Variants in PTPRD observed in about 807,000 individuals in gnomAD.
PTPRD encodes receptor-type tyrosine-protein phosphatase delta.
A neutral mutation model predicts 214.5 loss-of-function variants in PTPRD; 34 were observed. That is an observed-to-expected ratio of 0.16 (90% CI 0.12 to 0.21). The LOEUF (loss-of-function observed/expected upper bound fraction) is 0.21, where lower values mean the gene tolerates loss of function less well. Among genes scored for constraint, PTPRD ranks in the 10% least tolerant of loss-of-function variants. The pLI, the probability that PTPRD is intolerant of heterozygous loss-of-function variation, is 1.00. For missense variants in PTPRD, 2,545 were observed against 2,398.7 expected (o/e 1.06, Z -1.27); for synonymous variants, 1,128 against 845.7 (o/e 1.33, Z -5.79).
In PTPRD at chr9:8,341,732, T is replaced by A; in HGVS notation, c.4908A>T (p.Glu1636Asp). Residue 1636 changes from glutamate to aspartate, a missense_variant, in exon 40 of 46, where the codon GAA (glutamate) becomes GAT (aspartate). Transcript: ENST00000381196. ...YAYIQKLTQIETGENVTGMEL... is the reference protein window; with the variant it reads ...YAYIQKLTQIDTGENVTGMEL... ...CCATTCCTGTGACATTCTCTCCCGT[T>A]TCTATTTGTGTCAGCTTCTGAATGT... is the stretch of plus-strand genomic sequence containing the variant. 6.2e-7 allele frequency: 1 copy of A among 1,613,520 alleles called. No homozygotes were observed. Among genetic ancestry groups the A allele is most frequent in the Non-Finnish European group, 8.5e-7 (1 of 1,179,654 alleles).
chr9:9,698,604 G>A (rs766441788), intron 7 of PTPRD, among the ~76,000 whole-genome samples: 7 of 152,138 alleles, frequency 4.6e-5, no homozygotes, highest in African/African-American at 1.7e-4. Flanking sequence ...TGGTAGTCCT[G>A]CCACCCTCCC....
intron 11 of PTPRD, among the ~76,000 whole-genome samples, chr9:8,802,398 T>C (rs1299550359): frequency 2.0e-5 from 3 of 152,138 alleles, no homozygotes. Context: ...CAGCCACACC[T>C]AAAGGCCCTC....
intron 3 of PTPRD, among the ~76,000 whole-genome samples, chr9:10,258,912 A>G (rs928497261): frequency 6.6e-6 from 1 of 152,366 alleles, no homozygotes; most frequent in Middle Eastern, 3.4e-3. Flanking sequence ...GTGCAAATAA[A>G]ATATGATAAA....
intron 2 of PTPRD, among the ~76,000 whole-genome samples, chr9:10,414,032 C>T (rs2098463063): frequency 6.6e-6 from 1 of 151,796 alleles, no homozygotes; most frequent in South Asian, 2.1e-4. Context: ...AAACATTCTG[C>T]ACATAGAAAT....
rs1251676182 is a variant in PTPRD at position 9,808,456 on chromosome 9, A to G, written c.-367-41605T>C. 2.0e-5 allele frequency among the ~76,000 whole-genome samples: 3 copies of G among 152,236 alleles called. No individual in the cohort carries two copies. The East Asian group carries it at 5.8e-4, about 29-fold the overall frequency. On this transcript the variant is annotated intron_variant, in intron 5 of 45. Transcript: ENST00000381196. ...ATCAATTGACCAGAAAAGATTAACC[A>G]CTAGAGAAAAGAAAAGACAAAATAT... is the stretch of plus-strand genomic sequence containing the variant.
At chr9:9,895,014 C>T (rs746234257) in intron 5 of PTPRD, among the ~76,000 whole-genome samples, 1 of 151,852 alleles carries the variant, frequency 6.6e-6, no homozygotes, top group African/African-American at 2.4e-5. Context: ...GTACAGTCTC[C>T]GGGTACACAA....
intron 11 of PTPRD, among the ~76,000 whole-genome samples, chr9:8,779,225 C>T (rs1054170500): frequency 6.6e-6 from 1 of 152,180 alleles, no homozygotes; most frequent in African/African-American, 2.4e-5. Context: ...CAACAAGAAT[C>T]TGTTAAGCAA....
intron 44 of PTPRD, among the ~76,000 whole-genome samples, chr9:8,329,264 A>G (rs1587705273): frequency 1.3e-5 from 2 of 151,890 alleles, no homozygotes; most frequent in South Asian, 2.1e-4. Context: ...TTTTCCTTCT[A>G]ACAAACACCC....
intron 3 of PTPRD, among the ~76,000 whole-genome samples, chr9:10,297,543 TA>T (rs536773610): frequency 6.6e-6 from 1 of 151,168 alleles, no homozygotes; most frequent in Non-Finnish European, 1.5e-5. Context: ...CAGTGATGCT[TA>T]GAGTTTAGAG....
intron 12 of PTPRD, among the ~76,000 whole-genome samples, chr9:8,708,734 C>CT (rs1203795835): frequency 6.8e-6 from 1 of 146,222 alleles, no homozygotes; most frequent in Non-Finnish European, 1.5e-5. Context: ...AGCAATCCCA[C>CT]TACTAGGTCT....
At chr9:8,587,106 C>T (rs954891781) in intron 14 of PTPRD, among the ~76,000 whole-genome samples, 3 of 152,156 alleles carry the variant, frequency 2.0e-5, no homozygotes, top group African/African-American at 4.8e-5. Context: ...GCCGAGATCA[C>T]ACCACTGCAC....
intron 2 of PTPRD, among the ~76,000 whole-genome samples, chr9:10,349,047 T>C (rs1022328933): frequency 6.6e-6 from 1 of 152,042 alleles, no homozygotes. Flanking sequence ...CTGAAACAAA[T>C]GCATATCTGA....
intron 11 of PTPRD, among the ~76,000 whole-genome samples, chr9:8,818,370 G>A (rs988516297): frequency 1.3e-5 from 2 of 151,996 alleles, no homozygotes; most frequent in East Asian, 1.9e-4. Context: ...GGGTTAATTT[G>A]GTTTAATAAC....
chr9:9,307,838 G>A (rs1025315424), intron 9 of PTPRD, among the ~76,000 whole-genome samples: 1 of 152,078 alleles, frequency 6.6e-6, no homozygotes, highest in Non-Finnish European at 1.5e-5. Flanking sequence ...ATTGCACTTC[G>A]TGTCTGTTCT....
At chr9:8,331,505 C>T in intron 44 of PTPRD, 77 bp downstream of exon 44, 1 of 1,509,638 alleles carries the variant, frequency 6.6e-7, no homozygotes, top group Non-Finnish European at 8.9e-7. Flanking sequence ...AATAAGCAAA[C>T]TTACTACAAA....
At chr9:8,334,390 C>T (rs1295454703) in intron 43 of PTPRD, among the ~76,000 whole-genome samples, 1 of 150,796 alleles carries the variant, frequency 6.6e-6, no homozygotes, top group Admixed American at 6.6e-5. Context: ...AAAAACCACT[C>T]AAAACCACAC....
At chr9:10,145,265 A>G (rs527598741) in intron 3 of PTPRD, among the ~76,000 whole-genome samples, 122 of 151,396 alleles carry the variant, frequency 8.1e-4, no homozygotes, top group Middle Eastern at 3.4e-3. Context: ...GAATGCTTGC[A>G]TGTGTTTGTT....
chr9:8,911,663 AGCAATAGG>A (rs1325663169), intron 11 of PTPRD, among the ~76,000 whole-genome samples: 2 of 152,170 alleles, frequency 1.3e-5, no homozygotes, highest in African/African-American at 4.8e-5. Context: ...ATTTTTAAAA[AGCAATAGG>A]TGAACTTGAG....
chr9:8,738,980 ATTACTTCTTT>A (rs1469064769), intron 11 of PTPRD, among the ~76,000 whole-genome samples: 3 of 152,190 alleles, frequency 2.0e-5, no homozygotes, highest in Non-Finnish European at 4.4e-5. Context: ...ATGTCCCCAA[ATTACTTCTTT>A]TTATCTACCT....
Sources: gnomAD v4.1 joint callset for allele counts (sites outside exome capture counted in the v4.1 genomes callset) on GRCh38, gnomAD v4.1.1 for gene constraint, MANE v1.5 for transcripts, NCBI Gene and HGNC (gene_info 2026-07-23, HGNC 2026-07-21) for gene names.